The following PTCH1 variants were observed in gnomAD, a reference collection of about 807,000 sequenced individuals.
The protein encoded by PTCH1 is patched 1, also known as protein patched homolog 1.
Under a neutral mutation model 144.6 loss-of-function variants are expected in PTCH1, and 14 were observed. The ratio of observed to expected loss-of-function variants is 0.10; its 90% CI spans 0.06 to 0.15. PTCH1 has a LOEUF of 0.15. Ranked by LOEUF, PTCH1 falls within the 10% of genes least tolerant of loss-of-function variation. The probability of loss-of-function intolerance (pLI) is 1.00; values close to 1 mark genes in which losing one functional copy is unlikely to be tolerated. For synonymous variants in PTCH1, 833 were observed against 793.6 expected, an observed-to-expected ratio of 1.05 and a Z score of -0.83; for missense variants, 1,623 against 1,948.3, an observed-to-expected ratio of 0.83 and a Z score of 3.14.
In PTCH1 at chr9:95,449,560, T is replaced by G; in HGVS notation, c.3550-237A>C. ...AGGCAGGATGTGTACTTTTTACTCT[T>G]GTGAAGTCCAATTATGCATCTCAAG... On this transcript the variant is annotated intron_variant, in intron 21 of 23. Coordinates refer to ENST00000331920, the MANE Select transcript of PTCH1 (RefSeq NM_000264.5). The surrounding 1 kb of genome is among the most constrained non-coding windows in gnomAD (Gnocchi z 5.3). The G allele has an allele frequency of 1.5e-6, 1 of 645,896 alleles. No homozygotes were observed. The highest frequency in any genetic ancestry group is 2.7e-6 in the Non-Finnish European group (1 of 375,372). 40.0% of individuals were successfully genotyped at this position (645,896 alleles called of 1,614,324 possible). A position where few individuals can be genotyped will look rare whatever the true frequency, so the allele number is the denominator to read the frequency against.
In PTCH1 at chr9:95,480,588, T is replaced by A. The variant is rs1446771221; in HGVS notation, c.747A>T (p.Leu249=). 6.2e-7 allele frequency: 1 copy of A among 1,612,910 alleles called. No homozygotes were observed. Among genetic ancestry groups the A allele is most frequent in the Admixed American group, 1.7e-5 (1 of 59,984 alleles). The change falls in exon 6 of 24, where the codon CTA becomes CTT. Residue 249 remains leucine (L), a splice_region_variant and synonymous_variant. Coordinates refer to ENST00000331920, the MANE Select transcript of PTCH1 (RefSeq NM_000264.5). Reference sequence around the variant, plus strand: ...TTGTCCACCGCAAAGGAGGTTTACCTCTGCAAAAGAAATTAGGAGACGAGA... The same window carrying A: ...TTGTCCACCGCAAAGGAGGTTTACCACTGCAAAAGAAATTAGGAGACGAGA... ...AKLQSGTAYL[L]GKPPLRWTNF...
At chr9:95,448,380 C>T (rs574314678) in intron 22 of PTCH1, among the ~76,000 whole-genome samples, 161 of 152,276 alleles carry the variant, frequency 1.1e-3, no homozygotes, top group African/African-American at 3.7e-3. Flanking sequence ...CCAGAACCTT[C>T]CTTGAGTTTT....
chr9:95,513,296 A>C (rs897116798), upstream of PTCH1, among the ~76,000 whole-genome samples: 1 of 152,236 alleles, frequency 6.6e-6, no homozygotes, highest in Non-Finnish European at 1.5e-5. Context: ...AGTTTTGCAG[A>C]GTATAAATGA....
Position 95,447,509 on chromosome 9 carries a change from C to T in PTCH1, c.3805-58G>A, listed in dbSNP as rs1415802051. 5 of 1,468,214 alleles carry T rather than the reference C, an allele frequency of 3.4e-6. No homozygotes were observed. In the East Asian group the frequency reaches 1.1e-4, roughly 33 times the overall value. The allele number at this position is 1,468,214 out of a possible 1,614,324, so 90.9% of individuals were successfully genotyped here. ...TATCCCAGGCTGGGCATGGTCCCCG[C>T]AGCTCCCACACTTCCCTCCTTGGGT... On this transcript the variant is annotated intron_variant, in intron 22 of 23. Coordinates refer to ENST00000331920, the MANE Select transcript of PTCH1 (RefSeq NM_000264.5).
At chr9:95,472,862 A>G (rs1840702229) in intron 12 of PTCH1, among the ~76,000 whole-genome samples, 1 of 152,244 alleles carries the variant, frequency 6.6e-6, no homozygotes, top group Non-Finnish European at 1.5e-5. Context: ...AGGGCTGCTC[A>G]GAAAGCAAGA....
upstream of PTCH1, among the ~76,000 whole-genome samples, chr9:95,513,418 C>A (rs1053186035): frequency 1.3e-5 from 2 of 152,108 alleles, no homozygotes; most frequent in African/African-American, 4.8e-5. Context: ...GATTTTAAGT[C>A]CTACAGTATT....
upstream of PTCH1, among the ~76,000 whole-genome samples, chr9:95,510,666 GAGA>G (rs1352894339): frequency 6.6e-6 from 1 of 151,774 alleles, no homozygotes; most frequent in Non-Finnish European, 1.5e-5. Flanking sequence ...TGGCAGTAGC[GAGA>G]AGTCTAGTGA....
intron 12 of PTCH1, among the ~76,000 whole-genome samples, chr9:95,470,678 G>A (rs1392391797): frequency 9.9e-5 from 15 of 152,130 alleles, no homozygotes; most frequent in Non-Finnish European, 1.3e-4. Flanking sequence ...AACAGAAGCC[G>A]GTGGAAGTCG....
In PTCH1 at chr9:95,508,415, G is replaced by C. The variant is rs1404258266; in HGVS notation, c.-54C>G. 1.1e-5 allele frequency: 12 copies of C among 1,061,630 alleles called. No homozygotes were observed. The South Asian group carries it at 3.5e-4, about 31-fold the overall frequency. 65.8% of individuals were successfully genotyped at this position (1,061,630 alleles called of 1,614,324 possible). ...GGACGGAGGCTTCCCGGGCGGCCCG[G>C]CGCGCTGCTGCCGCTGCTGCGGGCT... On this transcript the variant is annotated 5_prime_UTR_variant, in exon 1 of 24. Coordinates refer to ENST00000331920, the MANE Select transcript of PTCH1 (RefSeq NM_000264.5).
At chr9:95,499,170 C>G (rs1842981102) in intron 2 of PTCH1, among the ~76,000 whole-genome samples, 1 of 151,936 alleles carries the variant, frequency 6.6e-6, no homozygotes, top group African/African-American at 2.4e-5. Context: ...AGAAACTTGT[C>G]AATGGATTTT....
chr9:95,487,067 G>T (rs1223630576), intron 2 of PTCH1, among the ~76,000 whole-genome samples: 1 of 152,194 alleles, frequency 6.6e-6, no homozygotes, highest in Non-Finnish European at 1.5e-5. Context: ...ATTTGGTTTG[G>T]ACAAGTAAAT....
chr9:95,500,582 T>C (rs1366653529), intron 2 of PTCH1, among the ~76,000 whole-genome samples: 1 of 152,074 alleles, frequency 6.6e-6, no homozygotes, highest in Non-Finnish European at 1.5e-5. Context: ...GTGCTCACTG[T>C]GGAAGGGCAG....
intron 19 of PTCH1, among the ~76,000 whole-genome samples, 175 bp from the exon 20 acceptor site, chr9:95,453,795 T>A (rs1486440753): frequency 1.3e-5 from 2 of 152,240 alleles, no homozygotes; most frequent in South Asian, 4.1e-4. Flanking sequence ...TAAGATGACC[T>A]CTTCATGACA....
At chr9:95,511,221 TC>T, upstream of PTCH1, among the ~76,000 whole-genome samples, 1 of 151,074 alleles carries the variant, frequency 6.6e-6, no homozygotes, top group East Asian at 1.9e-4. Context: ...CCGCCGGCTC[TC>T]CCCGCCCCCT....
At position 95,468,862 on chromosome 9, in the gene PTCH1, G is replaced by A. The variant is rs143630307; in HGVS notation, c.2139C>T (p.Ser713=). ...ESTSSTRDLL[S]QFSDSSLHCL... The stretch of plus-strand genomic sequence containing the variant: ...AGTGGAGGCTGGAGTCGGAGAACTG[G>A]GAGAGCAGGTCCCTTGTGGAGCTGG... The change falls in exon 14 of 24, where the codon TCC becomes TCT. Residue 713 remains serine, a synonymous_variant. Coordinates refer to ENST00000331920, the MANE Select transcript of PTCH1 (RefSeq NM_000264.5). 18 of 1,614,072 alleles carry A rather than the reference G, an allele frequency of 1.1e-5. No individual in the cohort carries two copies. The highest frequency in any genetic ancestry group is 1.7e-5 in the Admixed American group (1 of 60,004).
chr9:95,450,363 G>C, intron 20 of PTCH1: 2 of 271,760 alleles, frequency 7.4e-6, no homozygotes, highest in Non-Finnish European at 1.4e-5. Flanking sequence ...TGAAGTGAAG[G>C]GTGTAGAATT....
chr9:95,478,311 C>G, intron 8 of PTCH1, 125 bp from the exon 9 acceptor site: 2 of 1,415,336 alleles, frequency 1.4e-6, no homozygotes, highest in Non-Finnish European at 2.0e-6. Flanking sequence ...TAAAAAAGTT[C>G]TACGTGATTC....
rs1206400803 is a variant in PTCH1, at chr9:95,456,327, G to A, written c.3255C>T (p.Ile1085=). The change falls in exon 19 of 24, where the codon ATC becomes ATT. Residue 1085 remains isoleucine (I), a synonymous_variant. Transcript: ENST00000331920. ...GIKLSAVPVV[I]LIASVGIGVE... ...CTCCTATGCCAACAGAAGCGATCAGGATGACCACGGGCACGGCACTGAGCT... is the reference window on the plus strand; with the variant it reads ...CTCCTATGCCAACAGAAGCGATCAGAATGACCACGGGCACGGCACTGAGCT... The A allele has an allele frequency of 6.2e-7, 1 of 1,614,092 alleles. No homozygotes were observed. The highest frequency in any genetic ancestry group is 1.1e-5 in the South Asian group (1 of 91,076).
chr9:95,496,170 AG>A (rs1432752493), intron 2 of PTCH1, among the ~76,000 whole-genome samples: 1 of 152,232 alleles, frequency 6.6e-6, no homozygotes, highest in Admixed American at 6.5e-5. Flanking sequence ...TTACACACTC[AG>A]CATTACCATA....
Sources: allele counts gnomAD v4.1 joint callset (sites outside exome capture counted in the v4.1 genomes callset), GRCh38; gene constraint gnomAD v4.1.1; non-coding constraint Gnocchi (gnomAD v3.1); transcripts MANE v1.5; gene names NCBI Gene and HGNC (gene_info 2026-07-23, HGNC 2026-07-21).